Variants in MAGI3 observed in about 807,000 individuals in gnomAD.
MAGI3 encodes membrane-associated guanylate kinase, WW and PDZ domain-containing protein 3.
Under a neutral mutation model 121.8 loss-of-function variants are expected in MAGI3, and 43 were observed. That is an observed-to-expected ratio of 0.35 (90% CI 0.28 to 0.46). The LOEUF is 0.46. MAGI3 is among the 20% of genes least tolerant of loss of function. The pLI, the probability that MAGI3 is intolerant of heterozygous loss-of-function variation, is 1.00. For missense variants in MAGI3, 1,547 were observed against 1,797.3 expected, an observed-to-expected ratio of 0.86 and a Z score of 2.52; for synonymous variants, 553 against 639.3, an observed-to-expected ratio of 0.86 and a Z score of 2.04.
intron 1 of MAGI3, among the ~76,000 whole-genome samples, chr1:113,437,811 TC>T (rs1406927788): frequency 6.7e-4 from 4 of 6,002 alleles, no homozygotes; most frequent in Admixed American, 3.7e-3. Flanking sequence ...CTTCTTTTCT[TC>T]TTCTTCTTCT....
intron 1 of MAGI3, among the ~76,000 whole-genome samples, chr1:113,534,276 A>G (rs1002636857): frequency 6.6e-6 from 1 of 152,232 alleles, no homozygotes; most frequent in Non-Finnish European, 1.5e-5. Flanking sequence ...CATCTAAAAT[A>G]CAAGTCTGGC....
At chr1:113,478,564 G>A (rs981587229) in intron 1 of MAGI3, among the ~76,000 whole-genome samples, 1 of 152,186 alleles carries the variant, frequency 6.6e-6, no homozygotes, top group African/African-American at 2.4e-5. Flanking sequence ...GGAGGCTGTA[G>A]AACAGCAAAT....
chr1:113,450,908 C>A (rs1654454042), intron 1 of MAGI3, among the ~76,000 whole-genome samples: 1 of 152,124 alleles, frequency 6.6e-6, no homozygotes, highest in Non-Finnish European at 1.5e-5. Flanking sequence ...AACAGGAAAC[C>A]CTTCTTGTTC....
At chr1:113,428,235 CTT>C (rs1379829202) in intron 1 of MAGI3, among the ~76,000 whole-genome samples, 37 of 152,180 alleles carry the variant, frequency 2.4e-4, no homozygotes, top group Non-Finnish European at 4.7e-4. Flanking sequence ...TGAAGATACT[CTT>C]TGTTTTCTTC....
Position 113,660,766 on chromosome 1 carries a change from A to ATTT in MAGI3, c.2815+1519_2815+1521dup, listed in dbSNP as rs33956607. Among the ~76,000 whole-genome samples, 640 of 122,952 alleles carry ATTT rather than the reference A, an allele frequency of 5.2e-3. 18 individuals carry two copies. The highest frequency in any genetic ancestry group is 8.8e-3 in the African/African-American group (283 of 32,150). 80.7% of individuals were successfully genotyped at this position (122,952 alleles called of 152,430 possible). On this transcript the variant is annotated intron_variant, in intron 16 of 20. Coordinates refer to ENST00000307546, the MANE Select transcript of MAGI3 (RefSeq NM_001142782.2). ...AGTAGCTAGGACTACATAATTTTTAATTTTTTTTTTTTTTTTTTTTGAGAT... is the reference window on the plus strand; with the variant it reads ...AGTAGCTAGGACTACATAATTTTTAATTTTTTTTTTTTTTTTTTTTTTTGAGAT...
intron 1 of MAGI3, among the ~76,000 whole-genome samples, chr1:113,530,172 A>G (rs973935161): frequency 2.0e-5 from 3 of 152,116 alleles, no homozygotes; most frequent in Admixed American, 2.0e-4. Flanking sequence ...TTTATTTTTG[A>G]GTAATGACCA....
At chr1:113,561,232 T>C (rs1029583180) in intron 2 of MAGI3, among the ~76,000 whole-genome samples, 11 of 152,214 alleles carry the variant, frequency 7.2e-5, no homozygotes, top group African/African-American at 2.4e-4. Context: ...TTCCAAACAA[T>C]TGAAAAGGAG....
chr1:113,520,212 C>T (rs1035654919), intron 1 of MAGI3, among the ~76,000 whole-genome samples: 1 of 151,152 alleles, frequency 6.6e-6, no homozygotes, highest in African/African-American at 2.4e-5. Flanking sequence ...CTGCATGTTA[C>T]AAAATGATCA....
At position 113,441,064 on chromosome 1, in the gene MAGI3, T is replaced by G. The variant is rs181970955; in HGVS notation, c.316+49715T>G. 2.3e-3 allele frequency among the ~76,000 whole-genome samples: 346 copies of G among 152,254 alleles called. 12 individuals are homozygous for G. Among genetic ancestry groups the G allele is most frequent in the Admixed American group, 0.02 (303 of 15,284 alleles). ...ACCAGATATATAACAAAGAAACCCC[T>G]TAACATTGCTGGAGTCCCTCTGATA... On this transcript the variant is annotated intron_variant, in intron 1 of 20. Transcript: ENST00000307546.
chr1:113,623,065 A>G (rs904263644), intron 9 of MAGI3, 71 bp downstream of exon 9: 2 of 925,030 alleles, frequency 2.2e-6, no homozygotes, highest in African/African-American at 1.8e-5. Context: ...GAGATTTTAT[A>G]TACATAAAGA....
chr1:113,493,491 C>G (rs1480747797), intron 1 of MAGI3, among the ~76,000 whole-genome samples: 5 of 152,052 alleles, frequency 3.3e-5, no homozygotes, highest in Non-Finnish European at 5.9e-5. Flanking sequence ...GACAAAGATG[C>G]CAAAAGCAGC....
chr1:113,546,338 T>A (rs1262391355), intron 1 of MAGI3, among the ~76,000 whole-genome samples: 1 of 152,152 alleles, frequency 6.6e-6, no homozygotes, highest in Admixed American at 6.5e-5. Context: ...ATCACATTTA[T>A]TTATTTGCTT....
rs1247519551 is a variant in MAGI3 at position 113,391,914 on chromosome 1, A to G, written c.316+565A>G. Among the ~76,000 whole-genome samples, 1 of 152,240 alleles carries G rather than the reference A, an allele frequency of 6.6e-6. No homozygotes were observed. ...GGTGTCTGAGTACCGATGACGGTAC[A>G]ATATGTGATATGTGGCAGACTGGTG... On this transcript the variant is annotated intron_variant, in intron 1 of 20. Transcript: ENST00000307546. This position sits in a 1 kb window ranked among gnomAD's most constrained non-coding sequence, Gnocchi z 4.4.
chr1:113,603,513 T>C (rs1217216), intron 6 of MAGI3, among the ~76,000 whole-genome samples: 75,206 of 151,892 alleles, frequency 0.5, 19,463 homozygotes, highest in African/African-American at 0.64. Context: ...ATGAAGCCAG[T>C]ATCACCCTGA....
In MAGI3 at chr1:113,472,734, T is replaced by TTGTG. The variant is rs35390645; in HGVS notation, c.317-76759_317-76756dup. On this transcript the variant is annotated intron_variant, in intron 1 of 20. Transcript: ENST00000307546. ...TACTGATATTGTGTATCTACTACAG[T>TTGTG]TGTGTGTGTGTGTGTGTGTGTGTGT... Among the ~76,000 whole-genome samples, 34 of 139,338 alleles carry TTGTG rather than the reference T, an allele frequency of 2.4e-4. 1 individual carries two copies. Among genetic ancestry groups the TTGTG allele is most frequent in the East Asian group, 1.5e-3 (5 of 3,240 alleles). 91.4% of individuals were successfully genotyped at this position (139,338 alleles called of 152,430 possible). A position where few individuals can be genotyped will look rare whatever the true frequency, so the allele number is the denominator to read the frequency against.
intron 1 of MAGI3, among the ~76,000 whole-genome samples, chr1:113,434,465 CT>C (rs1653464282): frequency 1.3e-5 from 2 of 152,102 alleles, no homozygotes; most frequent in Non-Finnish European, 2.9e-5. Flanking sequence ...ATTTTCAGTG[CT>C]TAGAACAACA....
Position 113,529,788 on chromosome 1 carries a change from A to C in MAGI3, c.317-19727A>C, listed in dbSNP as rs1006704956. ...ATATAATAATGGGTAGAAATGAGAT[A>C]TAAACATTATATTTTATTTTATTGA... On this transcript the variant is annotated intron_variant, in intron 1 of 20. Coordinates refer to ENST00000307546, the MANE Select transcript of MAGI3 (RefSeq NM_001142782.2). Among the ~76,000 whole-genome samples, 18 of 152,324 alleles carry C rather than the reference A, an allele frequency of 1.2e-4. No individual in the cohort carries two copies. In the South Asian group the frequency reaches 1.9e-3, roughly 16 times the overall value.
chr1:113,685,610 T>TAAGA lies in MAGI3; in HGVS notation c.*1598_*1601dup, dbSNP rs1326314598. On this transcript the variant is annotated 3_prime_UTR_variant, in exon 21 of 21. Coordinates refer to ENST00000307546, the MANE Select transcript of MAGI3 (RefSeq NM_001142782.2). ...CAAAATTAGGAGGCTTGATAAATACTAAGAATTTAGTACCACAGAAATTAT... is the reference window on the plus strand; with the variant it reads ...CAAAATTAGGAGGCTTGATAAATACTAAGAAAGAATTTAGTACCACAGAAATTAT... 3 of 152,374 alleles carry TAAGA rather than the reference T, an allele frequency of 2.0e-5. No homozygotes were observed. Among genetic ancestry groups the TAAGA allele is most frequent in the East Asian group, 1.9e-4 (1 of 5,336 alleles). The allele number at this position is 152,374 out of a possible 1,614,324, so 9.4% of individuals were successfully genotyped here.
chr1:113,649,027 C>T (rs919488207), intron 12 of MAGI3, among the ~76,000 whole-genome samples: 1 of 152,034 alleles, frequency 6.6e-6, no homozygotes, highest in Non-Finnish European at 1.5e-5. Flanking sequence ...TCTAAACAGT[C>T]TTCATACAGT....
Sources: gnomAD v4.1 joint callset for allele counts (sites outside exome capture counted in the v4.1 genomes callset) on GRCh38, gnomAD v4.1.1 for gene constraint, Gnocchi (gnomAD v3.1) non-coding constraint, MANE v1.5 for transcripts, NCBI Gene and HGNC (gene_info 2026-07-23, HGNC 2026-07-21) for gene names.